CGNL1: variants seen among roughly 807,000 people sequenced by gnomAD.
CGNL1 encodes the protein cingulin-like protein 1.
A neutral mutation model predicts 141.2 loss-of-function variants in CGNL1; 132 were observed. That is an observed-to-expected ratio of 0.93 (90% CI 0.81 to 1.08). CGNL1 has a LOEUF of 1.08. Among genes scored for constraint, CGNL1 ranks in the 50% least tolerant of loss-of-function variants. The probability of loss-of-function intolerance (pLI) is 0.00; values close to 1 mark genes in which losing one functional copy is unlikely to be tolerated. For missense variants in CGNL1, 1,870 were observed against 1,588.6 expected (o/e 1.18, Z -3.01); for synonymous variants, 690 against 622.1 (o/e 1.11, Z -1.63).
chr15:57,530,928 T>C (rs768968845), intron 13 of CGNL1, among the ~76,000 whole-genome samples: 20 of 152,230 alleles, frequency 1.3e-4, no homozygotes, highest in Admixed American at 2.6e-4. Context: ...TTAGCATTTG[T>C]GGCTCTGAGT....
At position 57,498,245 on chromosome 15, in the gene CGNL1, G is replaced by GTTTTTTTTTTTTTTTTTTTTTTTTTTTTT. The variant is rs56793548; in HGVS notation, c.2404-18515_2404-18514insTTTTTTTTTTTTTTTTTTTTTTTTTTTTT. Among the ~76,000 whole-genome samples the GTTTTTTTTTTTTTTTTTTTTTTTTTTTTT allele has an allele frequency of 2.0e-5, 2 of 101,090 alleles. 1 individual carries two copies. The highest frequency in any genetic ancestry group is 3.7e-5 in the Non-Finnish European group (2 of 54,132). The allele number at this position is 101,090 out of a possible 152,430, so 66.3% of individuals were successfully genotyped here. A position where few individuals can be genotyped will look rare whatever the true frequency, so the allele number is the denominator to read the frequency against. On this transcript the variant is annotated intron_variant, in intron 8 of 18. Transcript: ENST00000281282. ...CATACTTAGGTTGATTGGGGAAACA[G>GTTTTTTTTTTTTTTTTTTTTTTTTTTTTT]TTTTTTTTTTTTTTTTTTTTGGAGA...
chr15:57,400,889 A>T (rs1263959244), intron 1 of CGNL1, among the ~76,000 whole-genome samples: 2 of 36,558 alleles, frequency 5.5e-5, no homozygotes, highest in Non-Finnish European at 1.4e-4. Context: ...TCTCAAATTA[A>T]AAAAAAAAAA....
intron 14 of CGNL1, among the ~76,000 whole-genome samples, chr15:57,542,334 AG>A (rs1385266695): frequency 6.6e-6 from 1 of 152,180 alleles, no homozygotes; most frequent in Non-Finnish European, 1.5e-5. Context: ...AAGAAGGAAA[AG>A]GTGGTTTTAT....
chr15:57,525,991 TCA>T (rs1371645646), intron 12 of CGNL1, among the ~76,000 whole-genome samples: 1 of 152,120 alleles, frequency 6.6e-6, no homozygotes, highest in African/African-American at 2.4e-5. Context: ...CTTCAGAAGA[TCA>T]CAGTGTCACA....
intron 7 of CGNL1, 55 bp downstream of exon 7, chr15:57,453,873 T>C (rs2271405): frequency 0.24 from 386,173 of 1,601,720 alleles, 47,185 homozygotes; most frequent in African/African-American, 0.27. Flanking sequence ...CCTGGAAAGA[T>C]GGAGTGGCTA....
chr15:57,403,777 A>G (rs1309507456), intron 1 of CGNL1, among the ~76,000 whole-genome samples: 4 of 152,186 alleles, frequency 2.6e-5, no homozygotes, highest in Admixed American at 6.5e-5. Flanking sequence ...ATCCCGAGGG[A>G]GTGTCCAGTG....
At chr15:57,498,248 T>TTC (rs1157442827) in intron 8 of CGNL1, among the ~76,000 whole-genome samples, 1 of 145,150 alleles carries the variant, frequency 6.9e-6, no homozygotes, top group Non-Finnish European at 1.5e-5. Flanking sequence ...GGAAACAGTT[T>TTC]TTTTTTTTTT....
chr15:57,546,756 T>C lies in CGNL1; in HGVS notation c.3773+517T>C, dbSNP rs181113260. On this transcript the variant is annotated intron_variant, in intron 18 of 18. Transcript: ENST00000281282. ...GGGTTGCTTTTTCTGCTCTAGGGTC[T>C]CTCCCCGGGGTATGAGGTAAGGTTC... Among the ~76,000 whole-genome samples, 63 of 152,218 alleles carry C rather than the reference T, an allele frequency of 4.1e-4. 1 individual carries two copies. Among genetic ancestry groups the C allele is most frequent in the Admixed American group, 4.1e-3 (62 of 15,288 alleles).
chr15:57,540,999 C>A (rs768142536), intron 14 of CGNL1, among the ~76,000 whole-genome samples: 5 of 152,174 alleles, frequency 3.3e-5, no homozygotes, highest in Non-Finnish European at 7.3e-5. Context: ...TGGAGGCAGG[C>A]GCCTCTGGCT....
At chr15:57,456,995 A>G (rs1280415) in intron 7 of CGNL1, among the ~76,000 whole-genome samples, 27,607 of 152,194 alleles carry the variant, frequency 0.18, 3,808 homozygotes, top group East Asian at 0.39. Flanking sequence ...ACATTCTACA[A>G]ATTTTTATAA....
rs567062065 is a variant in CGNL1, at chr15:57,453,802, A to C, written c.2174A>C (p.Lys725Thr). 1.9e-6 allele frequency: 3 copies of C among 1,613,638 alleles called. No individual in the cohort carries two copies. The highest frequency in any genetic ancestry group is 1.3e-5 in the African/African-American group (1 of 75,002). ...DSAKRSEDRE[K>T]GALIEELLQA... ...GCAAAGCGATCGGAGGACAGGGAGA[A>C]GGGAGCTCTGATTGAGGTAAGCAGG... Residue 725 changes from lysine (K) to threonine (T), a missense_variant, in exon 7 of 19, where the codon AAG becomes ACG. Coordinates refer to ENST00000281282, the MANE Select transcript of CGNL1 (RefSeq NM_032866.5).
At chr15:57,389,921 T>C (rs532215875) in intron 1 of CGNL1, among the ~76,000 whole-genome samples, 17 of 152,270 alleles carry the variant, frequency 1.1e-4, no homozygotes, top group Non-Finnish European at 1.6e-4. Flanking sequence ...GTCCAAGCGA[T>C]TCTTCTATCT....
chr15:57,487,227 C>T (rs1365932497), intron 8 of CGNL1, among the ~76,000 whole-genome samples: 7 of 152,124 alleles, frequency 4.6e-5, no homozygotes, highest in Admixed American at 4.6e-4. Context: ...AGTACTTCTC[C>T]TTGGGAGATG....
chr15:57,412,668 C>T (rs751971827), intron 1 of CGNL1, among the ~76,000 whole-genome samples: 3 of 152,142 alleles, frequency 2.0e-5, no homozygotes, highest in African/African-American at 7.2e-5. Flanking sequence ...TTCCCCCTTT[C>T]GATTGAAGTG....
At chr15:57,392,012 A>T (rs554966308) in intron 1 of CGNL1, among the ~76,000 whole-genome samples, 1 of 151,022 alleles carries the variant, frequency 6.6e-6, no homozygotes, top group African/African-American at 2.4e-5. Context: ...AAAAGTCTTA[A>T]TTTTTTCAGC....
chr15:57,480,523 A>C (rs1189181621), intron 8 of CGNL1, among the ~76,000 whole-genome samples: 1 of 152,158 alleles, frequency 6.6e-6, no homozygotes, highest in East Asian at 1.9e-4. Flanking sequence ...CTGTCTCAAA[A>C]AAAGAAAAAA....
chr15:57,473,899 C>CTTTTTTTTTTTTTTTT (rs59761174), intron 8 of CGNL1, among the ~76,000 whole-genome samples: 1 of 70,668 alleles, frequency 1.4e-5, no homozygotes, highest in African/African-American at 5.6e-5. Flanking sequence ...TCTTCTTCTT[C>CTTTTTTTTTTTTTTTT]TTTTTTTTTT....
chr15:57,469,541 A>C (rs1429939989), intron 8 of CGNL1, among the ~76,000 whole-genome samples: 1 of 151,972 alleles, frequency 6.6e-6, no homozygotes, highest in Admixed American at 6.6e-5. Context: ...TTAACAGTCT[A>C]TTGGGGGAGT....
At chr15:57,490,205 G>T (rs760723275) in intron 8 of CGNL1, among the ~76,000 whole-genome samples, 10 of 152,112 alleles carry the variant, frequency 6.6e-5, no homozygotes, top group Admixed American at 6.5e-4. Flanking sequence ...GTAACCTCAG[G>T]CAACTGCTCC....
Sources: allele counts gnomAD v4.1 joint callset (sites outside exome capture counted in the v4.1 genomes callset), GRCh38; gene constraint gnomAD v4.1.1; transcripts MANE v1.5; gene names NCBI Gene and HGNC (gene_info 2026-07-23, HGNC 2026-07-21).